The following NLN variants were observed in gnomAD, a reference collection of about 807,000 sequenced individuals.
The protein encoded by NLN is neurolysin, mitochondrial.
Under a neutral mutation model 79.9 loss-of-function variants are expected in NLN, and 64 were observed. The ratio of observed to expected loss-of-function variants is 0.80; its 90% CI spans 0.65 to 0.99. NLN has a LOEUF of 0.99. Among genes scored for constraint, NLN ranks in the 50% least tolerant of loss-of-function variants. The probability of loss-of-function intolerance (pLI) is 0.00; values close to 1 mark genes in which losing one functional copy is unlikely to be tolerated. For missense variants in NLN, 835 were observed against 858.7 expected, an observed-to-expected ratio of 0.97 and a Z score of 0.34; for synonymous variants, 267 against 296.6, an observed-to-expected ratio of 0.90 and a Z score of 1.02.
chr5:65,751,026 C>T (rs1186011282), intron 1 of NLN, among the ~76,000 whole-genome samples: 1 of 152,168 alleles, frequency 6.6e-6, no homozygotes, highest in Non-Finnish European at 1.5e-5. Flanking sequence ...GTAATAGCCA[C>T]ACAAGAGAAA....
intron 3 of NLN, among the ~76,000 whole-genome samples, chr5:65,773,936 C>T (rs1432367309): frequency 1.3e-5 from 2 of 151,884 alleles, no homozygotes; most frequent in East Asian, 3.9e-4. Context: ...GAGTGAGACC[C>T]TGTCTCAAAA....
rs1417411346 is a variant in NLN at position 65,826,067 on chromosome 5, T to A, written c.*3152T>A. On this transcript the variant is annotated 3_prime_UTR_variant, in exon 13 of 13. Coordinates refer to ENST00000380985, the MANE Select transcript of NLN (RefSeq NM_020726.5). ...GTCCCACAATCCACATGCTGGTAAA[T>A]TTGGTTCGTGGTGAGGCCCCTCTTC... 6.6e-6 allele frequency: 1 copy of A among 152,216 alleles called. No homozygotes were observed. Among genetic ancestry groups the A allele is most frequent in the Non-Finnish European group, 1.5e-5 (1 of 68,052 alleles). The allele number at this position is 152,216 out of a possible 1,614,324, so 9.4% of individuals were successfully genotyped here.
chr5:65,813,937 A>T (rs1311503417), intron 12 of NLN, among the ~76,000 whole-genome samples: 1 of 151,994 alleles, frequency 6.6e-6, no homozygotes, highest in East Asian at 1.9e-4. Flanking sequence ...CAAAAAAAAA[A>T]AAATCATTGA....
chr5:65,755,842 A>G (rs1315230957), intron 1 of NLN, among the ~76,000 whole-genome samples: 3 of 152,118 alleles, frequency 2.0e-5, no homozygotes, highest in Non-Finnish European at 2.9e-5. Flanking sequence ...TGAAAAATGT[A>G]TCTATTCTGT....
intron 1 of NLN, among the ~76,000 whole-genome samples, chr5:65,731,108 G>T (rs542580551): frequency 6.6e-6 from 1 of 152,324 alleles, no homozygotes; most frequent in African/African-American, 2.4e-5. Flanking sequence ...CACATGTTTG[G>T]TGATGTAGGA....
At chr5:65,757,895 A>G (rs1398669985) in intron 1 of NLN, among the ~76,000 whole-genome samples, 3 of 152,108 alleles carry the variant, frequency 2.0e-5, no homozygotes, top group Non-Finnish European at 2.9e-5. Flanking sequence ...TTTCGAGTCT[A>G]TGTACATAGT....
chr5:65,815,578 A>G (rs1359840398), intron 12 of NLN, among the ~76,000 whole-genome samples: 1 of 152,110 alleles, frequency 6.6e-6, no homozygotes, highest in Non-Finnish European at 1.5e-5. Flanking sequence ...TTTCCTTTCA[A>G]ATGCTCTGAG....
At chr5:65,760,838 A>G (rs1759321172) in intron 2 of NLN, among the ~76,000 whole-genome samples, 1 of 152,200 alleles carries the variant, frequency 6.6e-6, no homozygotes, top group African/African-American at 2.4e-5. Flanking sequence ...CAAAATCTTT[A>G]TAAAATAATT....
chr5:65,792,578 C>A lies in NLN; in HGVS notation c.1450C>A (p.Pro484Thr). The change falls in exon 9 of 13, where the codon CCC (proline) becomes ACC (threonine). Residue 484 changes from proline (P) to threonine (T), a missense_variant. Physicochemically the swap from Pro to Thr is conservative, Grantham distance 38. Transcript: ENST00000380985. ...CTTCTCACAGCCAGTGGCAGGTCGT[C>A]CCTCTCTCCTGAGACACGACGAGGT... ...VNFSQPVAGRPSLLRHDEVRT... is the reference protein window; with the variant it reads ...VNFSQPVAGRTSLLRHDEVRT... 6.2e-7 allele frequency: 1 copy of A among 1,613,942 alleles called. No individual in the cohort carries two copies. Among genetic ancestry groups the A allele is most frequent in the Non-Finnish European group, 8.5e-7 (1 of 1,179,818 alleles).
intron 1 of NLN, among the ~76,000 whole-genome samples, chr5:65,738,573 C>CA (rs913634849): frequency 9.9e-5 from 15 of 151,628 alleles, no homozygotes; most frequent in African/African-American, 2.9e-4. Flanking sequence ...ATCCTGTTTC[C>CA]AAAAAAATAA....
At chr5:65,791,584 G>A (rs1013359656) in intron 8 of NLN, among the ~76,000 whole-genome samples, 2 of 151,950 alleles carry the variant, frequency 1.3e-5, no homozygotes, top group Admixed American at 6.6e-5. Flanking sequence ...ATTAACCAGC[G>A]TGGTGTTGTA....
In NLN at chr5:65,758,818, A is replaced by G. The variant is rs1392187860; in HGVS notation, c.293A>G (p.Lys98Arg). The part of the protein sequence containing the change: ...CLQALADVEV[K>R]YIVERTMLDF... ...CAGGCACTGGCAGATGTAGAAGTAA[A>G]GTATATAGGTGGGTCAGATGCAGAA... The change falls in exon 2 of 13, where the codon AAG becomes AGG. Residue 98 changes from lysine (K) to arginine (R), a missense_variant. Transcript: ENST00000380985. 1 of 1,612,720 alleles carries G rather than the reference A, an allele frequency of 6.2e-7. No individual in the cohort carries two copies. The highest frequency in any genetic ancestry group is 1.1e-5 in the South Asian group (1 of 90,986).
At chr5:65,806,698 A>T (rs1760420118) in intron 9 of NLN, among the ~76,000 whole-genome samples, 1 of 152,180 alleles carries the variant, frequency 6.6e-6, no homozygotes, top group Admixed American at 6.5e-5. Context: ...ACCACGAAGG[A>T]TTTTAGAATA....
At chr5:65,759,536 G>C (rs1759296486) in intron 2 of NLN, among the ~76,000 whole-genome samples, 1 of 152,078 alleles carries the variant, frequency 6.6e-6, no homozygotes, top group Admixed American at 6.6e-5. Flanking sequence ...AATCTCAGTG[G>C]GGGCTGGTAG....
chr5:65,733,866 T>A (rs1758666690), intron 1 of NLN, among the ~76,000 whole-genome samples: 1 of 137,302 alleles, frequency 7.3e-6, no homozygotes, highest in African/African-American at 2.8e-5. Flanking sequence ...GTTACTGGCA[T>A]GCACCACCAC....
At chr5:65,741,125 G>A (rs1050522227) in intron 1 of NLN, 2 of 152,154 alleles carry the variant, frequency 1.3e-5, no homozygotes, top group Admixed American at 6.6e-5. Context: ...GCCTGCCTTG[G>A]CCTTCCAAAG....
chr5:65,734,802 A>G (rs370343000), intron 1 of NLN, among the ~76,000 whole-genome samples: 46 of 152,344 alleles, frequency 3.0e-4, no homozygotes, highest in African/African-American at 1.0e-3. Flanking sequence ...TGTCAGGGCT[A>G]CATAGATCTA....
intron 3 of NLN, 136 bp from the exon 4 acceptor site, chr5:65,777,291 A>G (rs886248498): frequency 3.1e-5 from 20 of 646,140 alleles, no homozygotes; most frequent in Admixed American, 2.6e-4. Context: ...TAGGTCTTCA[A>G]TAGGGCCTGC....
At chr5:65,761,803 T>C (rs1759346253) in intron 2 of NLN, among the ~76,000 whole-genome samples, 2 of 152,190 alleles carry the variant, frequency 1.3e-5, no homozygotes, top group South Asian at 4.1e-4. Flanking sequence ...GTATTTCTAA[T>C]AGCTTTATTT....
Sources: allele counts gnomAD v4.1 joint callset (sites outside exome capture counted in the v4.1 genomes callset), GRCh38; gene constraint gnomAD v4.1.1; transcripts MANE v1.5; gene names NCBI Gene and HGNC (gene_info 2026-07-23, HGNC 2026-07-21).